DCLRE1C: variants seen among roughly 807,000 people sequenced by gnomAD.
The protein encoded by DCLRE1C is protein artemis.
Under a neutral mutation model 61.4 loss-of-function variants are expected in DCLRE1C, and 47 were observed. The ratio of observed to expected loss-of-function variants is 0.77; its 90% CI spans 0.61 to 0.98. The LOEUF (loss-of-function observed/expected upper bound fraction) is 0.98, where lower values mean the gene tolerates loss of function less well. DCLRE1C is among the 50% of genes least tolerant of loss of function. The probability of loss-of-function intolerance (pLI) is 0.00; values close to 1 mark genes in which losing one functional copy is unlikely to be tolerated. For synonymous variants in DCLRE1C, 337 were observed against 287.6 expected (o/e 1.17, Z -1.74); for missense variants, 858 against 816.0 (o/e 1.05, Z -0.63).
intron 8 of DCLRE1C, among the ~76,000 whole-genome samples, chr10:14,933,349 A>G (rs1416370337): frequency 1.3e-5 from 2 of 152,186 alleles, no homozygotes; most frequent in Admixed American, 1.3e-4. Context: ...AGAATCATCT[A>G]CCCTCAGCCA....
rs1234814760 is a variant in DCLRE1C, at chr10:14,905,727, G to A, written c.*2681C>T. Among the ~76,000 whole-genome samples, 1 of 152,344 alleles carries A rather than the reference G, an allele frequency of 6.6e-6. No homozygotes were observed. Among genetic ancestry groups the A allele is most frequent in the East Asian group, 1.9e-4 (1 of 5,196 alleles). On this transcript the variant is annotated 3_prime_UTR_variant, in exon 14 of 14. Transcript: ENST00000378278. ...CGGCTGGACACGGTAGCTGACGCCT[G>A]TAATCCCAGCACTTTGGGAGGCCGA...
intron 13 of DCLRE1C, among the ~76,000 whole-genome samples, chr10:14,916,703 G>C (rs1836256995): frequency 6.6e-6 from 1 of 152,174 alleles, no homozygotes; most frequent in Admixed American, 6.5e-5. Context: ...CTTAGGGATT[G>C]ATTTACACAG....
At chr10:14,900,403 A>G (rs1407112781), downstream of DCLRE1C, among the ~76,000 whole-genome samples, 1 of 152,226 alleles carries the variant, frequency 6.6e-6, no homozygotes, top group Non-Finnish European at 1.5e-5. Flanking sequence ...AGCTGAACAT[A>G]TAAAGGAAGT....
rs757474059 is a variant in DCLRE1C, at chr10:14,932,889, G to A, written c.745C>T (p.Arg249Cys). ...CGGCATGCATGGATCTGAGTGTTGC[G>A]GTCTGTTGTGAGATGATGAAGGATC... ...PEILHHLTTDRNTQIHACRHP... is the reference protein window; with the variant it reads ...PEILHHLTTDCNTQIHACRHP... The change falls in exon 9 of 14, where the codon CGC becomes TGC. Residue 249 changes from arginine (R) to cysteine (C), a missense_variant. By Grantham distance (180) the Arg-to-Cys change is radical. Coordinates refer to ENST00000378278, the MANE Select transcript of DCLRE1C (RefSeq NM_001033855.3). 5.6e-5 allele frequency: 91 copies of A among 1,613,984 alleles called. No individual in the cohort carries two copies. Among genetic ancestry groups the A allele is most frequent in the Non-Finnish European group, 7.2e-5 (85 of 1,180,022 alleles).
At chr10:14,931,867 C>T (rs35352888) in intron 9 of DCLRE1C, among the ~76,000 whole-genome samples, 14,683 of 152,028 alleles carry the variant, frequency 0.097, 912 homozygotes, top group Non-Finnish European at 0.14. Context: ...GGCGAAACCC[C>T]ATCTCTACTT....
downstream of DCLRE1C, among the ~76,000 whole-genome samples, chr10:14,900,198 G>T (rs961803694): frequency 6.6e-6 from 1 of 152,238 alleles, no homozygotes; most frequent in South Asian, 2.1e-4. Flanking sequence ...ACCTTTTAAT[G>T]TCTGAAAGCT....
At chr10:14,904,498 T>C (rs1834235636), downstream of DCLRE1C, among the ~76,000 whole-genome samples, 1 of 152,090 alleles carries the variant, frequency 6.6e-6, no homozygotes, top group South Asian at 2.1e-4. Flanking sequence ...AAAGATGTGA[T>C]TTTTAAAAAA....
rs960003182 is a variant in DCLRE1C, at chr10:14,945,578, C to T, written c.162-389G>A. The T allele has an allele frequency of 3.6e-5, 37 of 1,032,776 alleles. No homozygotes were observed. The African/African-American group carries it at 5.2e-4, about 14-fold the overall frequency. 64.0% of individuals were successfully genotyped at this position (1,032,776 alleles called of 1,614,324 possible). A position where few individuals can be genotyped will look rare whatever the true frequency, so the allele number is the denominator to read the frequency against. Reference sequence around the variant, plus strand: ...TGATCAGGTGTGTCTGGAAAGATACCGCCACACATTACACTACCTCTGGAA... The same window carrying T: ...TGATCAGGTGTGTCTGGAAAGATACTGCCACACATTACACTACCTCTGGAA... On this transcript the variant is annotated intron_variant, in intron 2 of 13. Transcript: ENST00000378278.
In DCLRE1C at chr10:14,927,886, T is replaced by A; in HGVS notation, c.917+130A>T. The A allele has an allele frequency of 4.7e-6, 3 of 633,708 alleles. No individual in the cohort carries two copies. The South Asian group carries it at 1.5e-4, about 31-fold the overall frequency. 39.3% of individuals were successfully genotyped at this position (633,708 alleles called of 1,614,324 possible). ...AGCATCCCCTCCATTTAAATAAAAT[T>A]TAAATTTAAGAAATTAATTATAATA... On this transcript the variant is annotated intron_variant, in intron 10 of 13. Coordinates refer to ENST00000378278, the MANE Select transcript of DCLRE1C (RefSeq NM_001033855.3).
chr10:14,951,623 G>A (rs779219470), intron 1 of DCLRE1C, among the ~76,000 whole-genome samples: 13 of 152,066 alleles, frequency 8.5e-5, no homozygotes, highest in Non-Finnish European at 1.8e-4. Flanking sequence ...AGATCAAGAT[G>A]CGGGGCGATT....
rs1348157403 is a variant in DCLRE1C, at chr10:14,906,456, A to G, written c.*1952T>C. On this transcript the variant is annotated 3_prime_UTR_variant, in exon 14 of 14. Coordinates refer to ENST00000378278, the MANE Select transcript of DCLRE1C (RefSeq NM_001033855.3). ...TGTAATATTAATGTGATTATAAAAT[A>G]ACAGGAATATATTCAGAGGAATGTT... Among the ~76,000 whole-genome samples, 1 of 152,258 alleles carries G rather than the reference A, an allele frequency of 6.6e-6. No homozygotes were observed. Among genetic ancestry groups the G allele is most frequent in the Non-Finnish European group, 1.5e-5 (1 of 68,056 alleles).
At chr10:14,939,714 G>T (rs949062673) in intron 4 of DCLRE1C, 96 bp downstream of exon 4, 195 of 984,870 alleles carry the variant, frequency 2.0e-4, no homozygotes, top group African/African-American at 3.8e-4. Flanking sequence ...GTATAGCTGA[G>T]GGGTGGAGCA....
chr10:14,917,502 A>C (rs1213725984), intron 13 of DCLRE1C, among the ~76,000 whole-genome samples: 4 of 152,118 alleles, frequency 2.6e-5, no homozygotes, highest in African/African-American at 9.6e-5. Flanking sequence ...AAAAAAACAA[A>C]AAAAACTTGT....
At chr10:14,927,318 G>A in intron 10 of DCLRE1C, among the ~76,000 whole-genome samples, 1 of 151,042 alleles carries the variant, frequency 6.6e-6, no homozygotes, top group East Asian at 2.0e-4. Context: ...CCGGGAGGCA[G>A]AGGCTGCAGT....
Position 14,907,333 on chromosome 10 carries a change from G to A in DCLRE1C, c.*1075C>T, listed in dbSNP as rs1834491784. 6.6e-6 allele frequency among the ~76,000 whole-genome samples: 1 copy of A among 150,442 alleles called. No individual in the cohort carries two copies. Among genetic ancestry groups the A allele is most frequent in the Non-Finnish European group, 1.5e-5 (1 of 67,774 alleles). ...GTCAATTTAAATCAGGTGTGTTTAT[G>A]AGCAAAGATATGATCATGCTGAATG... On this transcript the variant is annotated 3_prime_UTR_variant, in exon 14 of 14. Coordinates refer to ENST00000378278, the MANE Select transcript of DCLRE1C (RefSeq NM_001033855.3).
intron 11 of DCLRE1C, chr10:14,923,334 A>C (rs1837436641): frequency 4.7e-6 from 2 of 425,010 alleles, no homozygotes; most frequent in African/African-American, 4.0e-5. Context: ...TCTGATCCAC[A>C]GTAAGAGCTG....
intron 6 of DCLRE1C, 55 bp downstream of exon 6, chr10:14,935,408 C>A: frequency 3.2e-6 from 5 of 1,575,362 alleles, no homozygotes; most frequent in Non-Finnish European, 4.4e-6. Flanking sequence ...CACAGCAAGA[C>A]TCCATTTCAC....
chr10:14,934,976 C>T (rs573410274), intron 6 of DCLRE1C, among the ~76,000 whole-genome samples: 22 of 152,082 alleles, frequency 1.4e-4, no homozygotes, highest in African/African-American at 5.1e-4. Flanking sequence ...GTTTGTGCCA[C>T]CACACCTTGC....
intron 13 of DCLRE1C, among the ~76,000 whole-genome samples, chr10:14,912,590 A>G (rs181640248): frequency 1.1e-3 from 163 of 152,384 alleles, no homozygotes; most frequent in African/African-American, 3.8e-3. Context: ...TTGGTTGGCA[A>G]TAAAAAGGTA....
Sources: gnomAD v4.1 joint callset for allele counts (sites outside exome capture counted in the v4.1 genomes callset) on GRCh38, gnomAD v4.1.1 for gene constraint, MANE v1.5 for transcripts, NCBI Gene and HGNC (gene_info 2026-07-23, HGNC 2026-07-21) for gene names.